CCBE1: variants seen among roughly 807,000 people sequenced by gnomAD.
CCBE1 encodes collagen and calcium-binding EGF domain-containing protein 1.
Under a neutral mutation model 50.0 loss-of-function variants are expected in CCBE1, and 37 were observed. The observed-to-expected ratio is 0.74, with a 90% CI of 0.57 to 0.97. CCBE1 has a LOEUF of 0.97. CCBE1 is among the 50% of genes least tolerant of loss of function. CCBE1 has a pLI of 0.00. For missense variants in CCBE1, 538 were observed against 523.8 expected, an observed-to-expected ratio of 1.03 and a Z score of -0.26; for synonymous variants, 234 against 203.7, an observed-to-expected ratio of 1.15 and a Z score of -1.27.
At chr18:59,645,962 C>T (rs989203380) in intron 2 of CCBE1, among the ~76,000 whole-genome samples, 13 of 151,692 alleles carry the variant, frequency 8.6e-5, no homozygotes, top group African/African-American at 1.9e-4. Context: ...ACCCGGCAGA[C>T]GGAGCTTGCA....
chr18:59,659,991 C>T (rs1232856575), intron 2 of CCBE1, among the ~76,000 whole-genome samples: 3 of 152,148 alleles, frequency 2.0e-5, no homozygotes, highest in Admixed American at 2.0e-4. Context: ...TCCCTAAAGC[C>T]GGGTCACAGA....
chr18:59,571,483 G>C (rs2052914195), intron 2 of CCBE1, among the ~76,000 whole-genome samples: 1 of 147,970 alleles, frequency 6.8e-6, no homozygotes, highest in East Asian at 2.0e-4. Context: ...TTTGTGGAAT[G>C]GGGGGAGGGG....
chr18:59,656,332 T>C (rs2054188847), intron 2 of CCBE1, among the ~76,000 whole-genome samples: 1 of 152,192 alleles, frequency 6.6e-6, no homozygotes, highest in African/African-American at 2.4e-5. Context: ...AGCAGAAATT[T>C]TAATCACCCT....
chr18:59,590,272 T>G (rs2053243578), intron 2 of CCBE1, among the ~76,000 whole-genome samples: 1 of 151,950 alleles, frequency 6.6e-6, no homozygotes. Flanking sequence ...AGCAAAAAAT[T>G]TAGTAAAGAA....
At chr18:59,565,776 A>C (rs2052815019) in intron 2 of CCBE1, among the ~76,000 whole-genome samples, 1 of 150,678 alleles carries the variant, frequency 6.6e-6, no homozygotes, top group African/African-American at 2.4e-5. Context: ...TTCTTTTTTT[A>C]AGAACAGTAC....
intron 3 of CCBE1, among the ~76,000 whole-genome samples, chr18:59,475,997 C>T (rs1306561669): frequency 5.9e-5 from 9 of 152,200 alleles, no homozygotes; most frequent in East Asian, 1.9e-4. Context: ...GGATTACAGG[C>T]GTGAGCCACT....
chr18:59,620,157 C>T (rs2053692694), intron 2 of CCBE1, among the ~76,000 whole-genome samples: 2 of 152,192 alleles, frequency 1.3e-5, no homozygotes, highest in Admixed American at 1.3e-4. Context: ...ACGTGAGAGC[C>T]TTGACTCCAG....
chr18:59,455,149 G>C (rs999235282), intron 5 of CCBE1, 198 bp from the exon 6 acceptor site: 2 of 671,458 alleles, frequency 3.0e-6, no homozygotes, highest in African/African-American at 3.5e-5. Flanking sequence ...GACAGAGGGA[G>C]AGGGGCCCTG....
At chr18:59,519,099 C>T (rs1914494061) in intron 2 of CCBE1, among the ~76,000 whole-genome samples, 1 of 152,166 alleles carries the variant, frequency 6.6e-6, no homozygotes, top group Non-Finnish European at 1.5e-5. Flanking sequence ...AGGGTGGTTT[C>T]CAGGGAAACC....
At chr18:59,568,124 T>C (rs2052856883) in intron 2 of CCBE1, 1 of 152,068 alleles carries the variant, frequency 6.6e-6, no homozygotes, top group Admixed American at 6.6e-5. Flanking sequence ...AACCTGAATG[T>C]CTCCAAGTCC....
chr18:59,498,602 A>G (rs1913466974), intron 2 of CCBE1, among the ~76,000 whole-genome samples: 1 of 152,224 alleles, frequency 6.6e-6, no homozygotes, highest in South Asian at 2.1e-4. Flanking sequence ...AGACAGAGCA[A>G]AGCAGGCAAG....
chr18:59,527,199 A>G (rs1369809037), intron 2 of CCBE1, among the ~76,000 whole-genome samples: 4 of 152,220 alleles, frequency 2.6e-5, no homozygotes, highest in African/African-American at 9.7e-5. Flanking sequence ...CTGGGTGCAT[A>G]TATATTTAGG....
intron 2 of CCBE1, among the ~76,000 whole-genome samples, chr18:59,564,980 C>T (rs578039609): frequency 6.6e-6 from 1 of 152,320 alleles, no homozygotes; most frequent in South Asian, 2.1e-4. Flanking sequence ...CTTGGAAAAT[C>T]CAGCGTGATC....
At chr18:59,685,815 C>T (rs1000272040) in intron 2 of CCBE1, 5 of 152,186 alleles carry the variant, frequency 3.3e-5, no homozygotes, top group South Asian at 2.1e-4. Flanking sequence ...GATATAGTGA[C>T]GATTAGGACC....
At position 59,533,265 on chromosome 18, in the gene CCBE1, G is replaced by GA. The variant is rs376622295; in HGVS notation, c.213-53028dup. Reference sequence around the variant, plus strand: ...TTAAAATTAAATGCTAGTGATATTAGAGGTAAGTGTAAACAATTTTCCATC... The same window carrying GA: ...TTAAAATTAAATGCTAGTGATATTAGAAGGTAAGTGTAAACAATTTTCCATC... On this transcript the variant is annotated intron_variant, in intron 2 of 10. Coordinates refer to ENST00000439986, the MANE Select transcript of CCBE1 (RefSeq NM_133459.4). 2.0e-3 allele frequency among the ~76,000 whole-genome samples: 305 copies of GA among 152,310 alleles called. 1 individual carries two copies. Among genetic ancestry groups the GA allele is most frequent in the African/African-American group, 6.9e-3 (288 of 41,570 alleles).
At chr18:59,463,567 T>C (rs1911593220) in intron 5 of CCBE1, among the ~76,000 whole-genome samples, 1 of 152,198 alleles carries the variant, frequency 6.6e-6, no homozygotes, top group Non-Finnish European at 1.5e-5. Flanking sequence ...GCATTTAAAA[T>C]CTGATACCAG....
chr18:59,622,371 C>G (rs1438379916), intron 2 of CCBE1, among the ~76,000 whole-genome samples: 1 of 152,092 alleles, frequency 6.6e-6, no homozygotes, highest in Non-Finnish European at 1.5e-5. Context: ...TGGCGGGTGC[C>G]TGTAATCTCG....
At chr18:59,549,628 G>A (rs551974535) in intron 2 of CCBE1, among the ~76,000 whole-genome samples, 4 of 152,272 alleles carry the variant, frequency 2.6e-5, no homozygotes, top group African/African-American at 9.6e-5. Context: ...CTGTCAGGAG[G>A]GAGATGCCAG....
In CCBE1 at chr18:59,610,841, CAT is replaced by C. The variant is rs1375066794; in HGVS notation, c.212+85786_212+85787del. Reference sequence around the variant, plus strand: ...AAAGTGGGTTTCAGGATGCAGCTCCCATCTGCTCCACCAGCGCCCCTGGGGAT... The same window carrying C: ...AAAGTGGGTTTCAGGATGCAGCTCCCCTGCTCCACCAGCGCCCCTGGGGAT... On this transcript the variant is annotated intron_variant, in intron 2 of 10. Transcript: ENST00000439986. Among the ~76,000 whole-genome samples, 39 of 152,370 alleles carry C rather than the reference CAT, an allele frequency of 2.6e-4. No individual in the cohort carries two copies. The East Asian group carries it at 7.3e-3, about 29-fold the overall frequency.
Sources: allele counts gnomAD v4.1 joint callset (sites outside exome capture counted in the v4.1 genomes callset), GRCh38; gene constraint gnomAD v4.1.1; transcripts MANE v1.5; gene names NCBI Gene and HGNC (gene_info 2026-07-23, HGNC 2026-07-21).